Variants in PHACTR1 observed in about 807,000 individuals in gnomAD.
PHACTR1 encodes the protein phosphatase and actin regulator 1.
In PHACTR1, 16 loss-of-function variants were observed where a neutral mutation model predicts 69.2. That is an observed-to-expected ratio of 0.23 (90% CI 0.16 to 0.35). The LOEUF is 0.35. Ranked by LOEUF, PHACTR1 falls within the 10% of genes least tolerant of loss-of-function variation. PHACTR1 has a pLI of 1.00. For missense variants in PHACTR1, 510 were observed against 734.7 expected, an observed-to-expected ratio of 0.69 and a Z score of 3.54; for synonymous variants, 312 against 284.5, an observed-to-expected ratio of 1.10 and a Z score of -0.97.
intron 5 of PHACTR1, among the ~76,000 whole-genome samples, chr6:13,080,860 T>C (rs1355291840): frequency 3.9e-5 from 6 of 152,116 alleles, no homozygotes; most frequent in Admixed American, 6.6e-5. Context: ...AAAGAACTTT[T>C]CGTAAAAGAA....
intron 4 of PHACTR1, among the ~76,000 whole-genome samples, chr6:12,896,510 C>T (rs1582354159): frequency 6.6e-6 from 1 of 152,102 alleles, no homozygotes; most frequent in East Asian, 1.9e-4. Flanking sequence ...TCACGGAGGC[C>T]CACCCCAACC....
chr6:13,156,580 A>G (rs919036004), intron 5 of PHACTR1, among the ~76,000 whole-genome samples: 2 of 152,236 alleles, frequency 1.3e-5, no homozygotes, highest in East Asian at 1.9e-4. Context: ...AGCATCTGGC[A>G]TAGTCTGTGC....
chr6:12,863,217 T>C (rs1250137977), intron 4 of PHACTR1, among the ~76,000 whole-genome samples: 2 of 152,222 alleles, frequency 1.3e-5, no homozygotes, highest in Admixed American at 1.3e-4. Flanking sequence ...ACTCAAAGAA[T>C]AGATATTTAT....
intron 4 of PHACTR1, among the ~76,000 whole-genome samples, chr6:13,047,830 C>G (rs1481902077): frequency 6.6e-6 from 1 of 152,024 alleles, no homozygotes; most frequent in Non-Finnish European, 1.5e-5. Context: ...TTGCACAAGC[C>G]TTTTGAAAGC....
intron 4 of PHACTR1, among the ~76,000 whole-genome samples, chr6:12,878,591 A>T (rs1190381878): frequency 6.6e-6 from 1 of 152,230 alleles, no homozygotes; most frequent in East Asian, 1.9e-4. Context: ...TTTGGAAGAA[A>T]CATAAAGCTC....
rs60942588 is a variant in PHACTR1 at position 12,792,464 on chromosome 6, C to CAAAAAAAAAAAAAAAAAAAAAAAAAAA, written c.250+42677_250+42703dup. On this transcript the variant is annotated intron_variant, in intron 4 of 14. Transcript: ENST00000332995. The stretch of plus-strand genomic sequence containing the variant: ...GGGCAACAAGAGCAAAACTCCATGT[C>CAAAAAAAAAAAAAAAAAAAAAAAAAAA]AAAAAAAAAAAAAAAAAAAAAAAAA... 9.6e-5 allele frequency among the ~76,000 whole-genome samples: 3 copies of CAAAAAAAAAAAAAAAAAAAAAAAAAAA among 31,402 alleles called. 1 individual carries two copies. Among genetic ancestry groups the CAAAAAAAAAAAAAAAAAAAAAAAAAAA allele is most frequent in the East Asian group, 7.4e-3 (2 of 270 alleles). The allele number at this position is 31,402 out of a possible 152,430, so 20.6% of individuals were successfully genotyped here.
intron 4 of PHACTR1, among the ~76,000 whole-genome samples, chr6:13,025,671 T>TTGTGTGTGTG (rs60800778): frequency 0.032 from 4,557 of 140,228 alleles, 117 homozygotes; most frequent in African/African-American, 0.06. Context: ...CATATATTAT[T>TTGTGTGTGTG]TGTGTGTGTG....
At chr6:12,838,806 A>G (rs1158611411) in intron 4 of PHACTR1, among the ~76,000 whole-genome samples, 1 of 152,164 alleles carries the variant, frequency 6.6e-6, no homozygotes, top group Non-Finnish European at 1.5e-5. Flanking sequence ...ATGAAGCAGA[A>G]TGGCATTAAT....
At position 13,145,731 on chromosome 6, in the gene PHACTR1, GCAGC is replaced by G. The variant is rs1310117862; in HGVS notation, c.416-14470_416-14467del. ...GGCCTCGTGAACACACAGCAAGAAG[GCAGC>G]CATCCGCAAGCCAGGAAGTGAGCCC... On this transcript the variant is annotated intron_variant, in intron 5 of 14. Coordinates refer to ENST00000332995, the MANE Select transcript of PHACTR1 (RefSeq NM_030948.6). Among the ~76,000 whole-genome samples, 9 of 152,250 alleles carry G rather than the reference GCAGC, an allele frequency of 5.9e-5. No individual in the cohort carries two copies. The South Asian group carries it at 1.9e-3, about 32-fold the overall frequency.
At chr6:13,200,313 C>T (rs1454579833) in intron 7 of PHACTR1, among the ~76,000 whole-genome samples, 6 of 152,088 alleles carry the variant, frequency 3.9e-5, no homozygotes, top group Non-Finnish European at 7.4e-5. Flanking sequence ...TGGGTTCAAG[C>T]GATTCTCCTG....
intron 4 of PHACTR1, among the ~76,000 whole-genome samples, chr6:12,896,257 C>T (rs1784657609): frequency 6.6e-6 from 1 of 152,212 alleles, no homozygotes; most frequent in Admixed American, 6.5e-5. Flanking sequence ...CCTTGTAACT[C>T]AACATGAGTA....
intron 4 of PHACTR1, among the ~76,000 whole-genome samples, chr6:13,050,680 A>T (rs1029693073): frequency 1.3e-5 from 2 of 152,188 alleles, no homozygotes; most frequent in African/African-American, 2.4e-5. Flanking sequence ...CAGGAAATAA[A>T]GTTCTAACCC....
At chr6:12,821,760 T>A (rs776341626) in intron 4 of PHACTR1, among the ~76,000 whole-genome samples, 19 of 152,204 alleles carry the variant, frequency 1.2e-4, no homozygotes, top group Non-Finnish European at 2.6e-4. Context: ...AATGTTTTTG[T>A]CAACTTCTAA....
intron 4 of PHACTR1, among the ~76,000 whole-genome samples, chr6:12,889,436 A>G (rs1783951418): frequency 6.6e-6 from 1 of 152,232 alleles, no homozygotes; most frequent in Non-Finnish European, 1.5e-5. Context: ...TGCTGGGAGA[A>G]CTACAAATGT....
At chr6:13,194,908 A>G (rs1764157301) in intron 7 of PHACTR1, among the ~76,000 whole-genome samples, 1 of 152,112 alleles carries the variant, frequency 6.6e-6, no homozygotes, top group Non-Finnish European at 1.5e-5. Context: ...AGATCTGAGG[A>G]CGGTCCTCAC....
chr6:12,966,943 G>C (rs774317067), intron 4 of PHACTR1, among the ~76,000 whole-genome samples: 4 of 152,152 alleles, frequency 2.6e-5, no homozygotes, highest in Non-Finnish European at 4.4e-5. Flanking sequence ...GGAATAAAAA[G>C]ATATGGTCCT....
intron 4 of PHACTR1, among the ~76,000 whole-genome samples, chr6:12,805,031 A>G (rs933033487): frequency 6.6e-6 from 1 of 152,132 alleles, no homozygotes; most frequent in African/African-American, 2.4e-5. Context: ...TCCTCAATGT[A>G]TGCATTGCAA....
At position 12,776,296 on chromosome 6, in the gene PHACTR1, C is replaced by T. The variant is rs1363550861; in HGVS notation, c.250+26506C>T. Reference sequence around the variant, plus strand: ...AGAATTTTTTTCTGTTGTCTTAACACACTCCTCATTACCGTTTACAATTTA... The same window carrying T: ...AGAATTTTTTTCTGTTGTCTTAACATACTCCTCATTACCGTTTACAATTTA... On this transcript the variant is annotated intron_variant, in intron 4 of 14. Coordinates refer to ENST00000332995, the MANE Select transcript of PHACTR1 (RefSeq NM_030948.6). Among the ~76,000 whole-genome samples the T allele has an allele frequency of 2.0e-5, 3 of 152,204 alleles. No homozygotes were observed. In the South Asian group the frequency reaches 6.2e-4, roughly 32 times the overall value.
At chr6:13,203,383 C>T (rs753844206) in intron 7 of PHACTR1, among the ~76,000 whole-genome samples, 1 of 152,164 alleles carries the variant, frequency 6.6e-6, no homozygotes, top group African/African-American at 2.4e-5. Flanking sequence ...CATCTGTAAA[C>T]ATGAGATAAT....
Sources: gnomAD v4.1 joint callset for allele counts (sites outside exome capture counted in the v4.1 genomes callset) on GRCh38, gnomAD v4.1.1 for gene constraint, MANE v1.5 for transcripts, NCBI Gene and HGNC (gene_info 2026-07-23, HGNC 2026-07-21) for gene names.